The following ALDH1A2 variants were observed in gnomAD, a reference collection of about 807,000 sequenced individuals.
ALDH1A2 encodes retinal dehydrogenase 2.
A neutral mutation model predicts 60.3 loss-of-function variants in ALDH1A2; 27 were observed. The observed-to-expected ratio is 0.45, with a 90% confidence interval of 0.33 to 0.62. The LOEUF is 0.62. Ranked by LOEUF, ALDH1A2 falls within the 20% of genes least tolerant of loss-of-function variation. The pLI is 0.02. For missense variants in ALDH1A2, 581 were observed against 643.8 expected, an observed-to-expected ratio of 0.90 and a Z score of 1.06; for synonymous variants, 289 against 232.4, an observed-to-expected ratio of 1.24 and a Z score of -2.21.
intron 12 of ALDH1A2, among the ~76,000 whole-genome samples, chr15:57,959,057 A>T (rs139632696): frequency 1.3e-3 from 198 of 152,252 alleles, no homozygotes; most frequent in African/African-American, 4.6e-3. Context: ...ATGGGAATAG[A>T]CTAGACTCAG....
At chr15:58,037,283 G>C (rs1382369820) in intron 1 of ALDH1A2, among the ~76,000 whole-genome samples, 1 of 151,610 alleles carries the variant, frequency 6.6e-6, no homozygotes, top group Non-Finnish European at 1.5e-5. Context: ...TGAGAAAAGA[G>C]AAAGAATTTT....
intron 8 of ALDH1A2, 103 bp from the exon 9 acceptor site, chr15:57,964,172 A>C: frequency 1.7e-6 from 2 of 1,205,842 alleles, no homozygotes; most frequent in South Asian, 1.3e-5. Flanking sequence ...TAGTGTGCTC[A>C]CTGCATGACA....
intron 1 of ALDH1A2, among the ~76,000 whole-genome samples, chr15:58,042,147 G>A (rs10518961): frequency 0.41 from 62,845 of 151,754 alleles, 13,218 homozygotes; most frequent in Non-Finnish European, 0.44. Context: ...ATGAACTTTT[G>A]TGAGTCAGGA....
At chr15:58,046,567 G>C (rs529567881) in intron 1 of ALDH1A2, among the ~76,000 whole-genome samples, 2 of 152,134 alleles carry the variant, frequency 1.3e-5, no homozygotes, top group South Asian at 4.1e-4. Flanking sequence ...TCTGCCTTTT[G>C]CCACTTGTGT....
intron 1 of ALDH1A2, among the ~76,000 whole-genome samples, chr15:58,018,980 T>C (rs768755704): frequency 3.9e-5 from 6 of 152,136 alleles, no homozygotes; most frequent in Non-Finnish European, 8.8e-5. Flanking sequence ...TTGGTGAAAT[T>C]TGAATAAGAT....
intron 7 of ALDH1A2, among the ~76,000 whole-genome samples, chr15:57,987,638 T>C (rs1894747208): frequency 6.6e-6 from 1 of 152,110 alleles, no homozygotes; most frequent in African/African-American, 2.4e-5. Flanking sequence ...CCCAGCACTT[T>C]GGGAGGCCGA....
At chr15:58,022,085 C>T (rs1445950933) in intron 1 of ALDH1A2, among the ~76,000 whole-genome samples, 2 of 152,192 alleles carry the variant, frequency 1.3e-5, no homozygotes, top group Non-Finnish European at 2.9e-5. Flanking sequence ...TACTGCCCCT[C>T]ACTCAAGCAC....
intron 1 of ALDH1A2, among the ~76,000 whole-genome samples, chr15:58,055,815 C>T (rs1378474702): frequency 1.3e-5 from 2 of 151,950 alleles, no homozygotes; most frequent in Non-Finnish European, 2.9e-5. Flanking sequence ...TATTTTCAGA[C>T]CTGGTGCTTA....
intron 4 of ALDH1A2, among the ~76,000 whole-genome samples, chr15:58,002,397 TTTAA>T (rs1895303832): frequency 6.6e-6 from 1 of 151,970 alleles, no homozygotes; most frequent in African/African-American, 2.4e-5. Context: ...ATTAGAAAAA[TTTAA>T]TTATTTGGAT....
intron 1 of ALDH1A2, among the ~76,000 whole-genome samples, chr15:58,029,865 A>G (rs1896185353): frequency 6.6e-6 from 1 of 152,220 alleles, no homozygotes; most frequent in Admixed American, 6.5e-5. Flanking sequence ...GAATAGACCA[A>G]TAATCAGTTC....
At chr15:57,985,325 C>T (rs1278636189) in intron 7 of ALDH1A2, among the ~76,000 whole-genome samples, 2 of 152,170 alleles carry the variant, frequency 1.3e-5, no homozygotes, top group Admixed American at 1.3e-4. Flanking sequence ...CCCTCAAATC[C>T]CTCTTTCTCT....
intron 1 of ALDH1A2, among the ~76,000 whole-genome samples, chr15:58,048,787 G>T (rs574961421): frequency 1.3e-5 from 2 of 152,070 alleles, no homozygotes; most frequent in East Asian, 3.9e-4. Flanking sequence ...GTCTCATGGA[G>T]GTCTTCTTGG....
intron 8 of ALDH1A2, chr15:57,964,756 G>T (rs761957391): frequency 2.0e-5 from 3 of 152,342 alleles, no homozygotes; most frequent in Non-Finnish European, 2.9e-5. Context: ...CTTCAAAACA[G>T]CTTAATCTGA....
chr15:58,018,451 T>C (rs573069816), intron 1 of ALDH1A2, among the ~76,000 whole-genome samples: 94 of 152,240 alleles, frequency 6.2e-4, no homozygotes, highest in African/African-American at 2.0e-3. Flanking sequence ...TAAAATACCA[T>C]AGTAATAACT....
chr15:58,061,595 CAA>C (rs879500544), intron 1 of ALDH1A2, among the ~76,000 whole-genome samples: 1 of 43,322 alleles, frequency 2.3e-5, no homozygotes, highest in Non-Finnish European at 5.0e-5. Context: ...CTCCTTCCCT[CAA>C]AAAAAAAAAA....
chr15:58,038,876 T>G (rs970824972), intron 1 of ALDH1A2, among the ~76,000 whole-genome samples: 1 of 151,818 alleles, frequency 6.6e-6, no homozygotes, highest in Admixed American at 6.6e-5. Context: ...GAGTATTTAC[T>G]CTAGTGCACA....
intron 1 of ALDH1A2, among the ~76,000 whole-genome samples, chr15:58,034,871 G>C (rs1438779331): frequency 6.6e-6 from 1 of 151,578 alleles, no homozygotes; most frequent in Admixed American, 6.6e-5. Context: ...GACTCAATTT[G>C]CTAATATTTT....
chr15:57,962,421 G>A (rs1255843111), intron 9 of ALDH1A2, among the ~76,000 whole-genome samples: 1 of 152,116 alleles, frequency 6.6e-6, no homozygotes, highest in African/African-American at 2.4e-5. Context: ...CTAATCAGAA[G>A]TACCAGCTGA....
In ALDH1A2 at chr15:57,955,225, G is replaced by A; in HGVS notation, c.1529C>T (p.Thr510Ile). ...LREYSEVKTV[T>I]VKIPQKNS is the part of the protein sequence containing the mutation. ...GGAGTTCTTCTGGGGGATCTTTACT[G>A]TCACCGTCTTAACTTCTGAGTACTC... Residue 510 changes from threonine (T) to isoleucine (I), a missense_variant, in exon 13 of 13, where the codon ACA (threonine) becomes ATA (isoleucine). Coordinates refer to ENST00000249750, the MANE Select transcript of ALDH1A2 (RefSeq NM_003888.4). 1 of 1,614,062 alleles carries A rather than the reference G, an allele frequency of 6.2e-7. No homozygotes were observed. The highest frequency in any genetic ancestry group is 8.5e-7 in the Non-Finnish European group (1 of 1,180,016).
Sources: gnomAD v4.1 joint callset for allele counts (sites outside exome capture counted in the v4.1 genomes callset) on GRCh38, gnomAD v4.1.1 for gene constraint, MANE v1.5 for transcripts, NCBI Gene and HGNC (gene_info 2026-07-23, HGNC 2026-07-21) for gene names.